IQSEC1: variants seen among roughly 807,000 people sequenced by gnomAD.
IQSEC1 encodes IQ motif and Sec7 domain ArfGEF 1.
Under a neutral mutation model 91.0 loss-of-function variants are expected in IQSEC1, and 31 were observed. The ratio of observed to expected loss-of-function variants is 0.34; its 90% confidence interval spans 0.26 to 0.46. The LOEUF is 0.46. IQSEC1 is among the 20% of genes least tolerant of loss of function. IQSEC1 has a pLI of 1.00. For synonymous variants in IQSEC1, 699 were observed against 662.6 expected, an observed-to-expected ratio of 1.05 and a Z score of -0.84; for missense variants, 1,388 against 1,575.6, an observed-to-expected ratio of 0.88 and a Z score of 2.02.
chr3:12,941,759 A>G lies in IQSEC1; in HGVS notation c.130T>C (p.Tyr44His), dbSNP rs866633619. 1.9e-6 allele frequency: 3 copies of G among 1,612,174 alleles called. No individual in the cohort carries two copies. Among genetic ancestry groups the G allele is most frequent in the South Asian group, 2.2e-5 (2 of 91,030 alleles). ...VPGSSLSPDH[Y>H]EHTSVGAYGL... ...TAGGCTCCCACTGACGTGTGCTCGT[A>G]GTGATCCGGGCTCAGGCTGGAACCG... Residue 44 changes from tyrosine (Y) to histidine (H), a missense_variant, in exon 2 of 14, where the codon TAC becomes CAC. By Grantham distance (83) the Tyr-to-His change is moderately conservative. Around this residue, in one of 2 missense-constraint regions of IQSEC1, gnomAD observed 1,059 missense variants for 1,317.8 expected, o/e 0.80. Transcript: ENST00000613206.
At chr3:13,215,439 C>T (rs929656861) in intron 1 of IQSEC1, among the ~76,000 whole-genome samples, 1 of 152,072 alleles carries the variant, frequency 6.6e-6, no homozygotes, top group Non-Finnish European at 1.5e-5. Context: ...CAGCCTCAGG[C>T]TCCCTCAGAA....
At chr3:13,143,987 G>A (rs1327811495) in intron 2 of IQSEC1, among the ~76,000 whole-genome samples, 1 of 152,206 alleles carries the variant, frequency 6.6e-6, no homozygotes, top group African/African-American at 2.4e-5. Context: ...GAGCCCTGCA[G>A]CTGCAACAAT....
At chr3:12,914,675 A>G (rs1695899990) in intron 8 of IQSEC1, among the ~76,000 whole-genome samples, 1 of 152,034 alleles carries the variant, frequency 6.6e-6, no homozygotes. Flanking sequence ...CCCTGTGTGC[A>G]TGTGTCCTGG....
intron 2 of IQSEC1, among the ~76,000 whole-genome samples, chr3:13,121,982 A>G (rs1706433033): frequency 6.6e-6 from 1 of 152,246 alleles, no homozygotes; most frequent in Non-Finnish European, 1.5e-5. Flanking sequence ...GAAATAGTTC[A>G]GGTCGGCCAG....
intron 1 of IQSEC1, among the ~76,000 whole-genome samples, chr3:12,988,412 C>T (rs1701840913): frequency 6.6e-6 from 1 of 151,488 alleles, no homozygotes; most frequent in Non-Finnish European, 1.5e-5. Context: ...GAGGCTCTAT[C>T]TCAAAAAAAT....
chr3:13,051,269 C>T (rs1197470288), intron 1 of IQSEC1, among the ~76,000 whole-genome samples: 2 of 152,234 alleles, frequency 1.3e-5, no homozygotes, highest in African/African-American at 4.8e-5. Context: ...CCTCTGTCCC[C>T]AGTCCCACTT....
At chr3:13,101,390 G>T (rs1032227704) in intron 2 of IQSEC1, among the ~76,000 whole-genome samples, 2 of 146,344 alleles carry the variant, frequency 1.4e-5, no homozygotes, top group Non-Finnish European at 3.0e-5. Flanking sequence ...CTGCACTCCA[G>T]CCTGGGAGAC....
At chr3:12,952,147 T>C (rs1699592933) in intron 1 of IQSEC1, among the ~76,000 whole-genome samples, 1 of 152,102 alleles carries the variant, frequency 6.6e-6, no homozygotes, top group African/African-American at 2.4e-5. Context: ...GTTTACCCAG[T>C]TCCCAGGTTT....
chr3:12,986,958 A>T (rs778196581), intron 1 of IQSEC1: 1 of 402,330 alleles, frequency 2.5e-6, no homozygotes, highest in African/African-American at 2.1e-5. Flanking sequence ...GGCCCATCCC[A>T]CCCTTCCCTT....
At chr3:13,016,399 C>G (rs1703134647) in intron 1 of IQSEC1, among the ~76,000 whole-genome samples, 1 of 152,236 alleles carries the variant, frequency 6.6e-6, no homozygotes, top group Admixed American at 6.5e-5. Flanking sequence ...CCCCAACGCC[C>G]CACCACTCCC....
At chr3:13,039,752 C>G (rs1559735820) in intron 1 of IQSEC1, among the ~76,000 whole-genome samples, 1 of 152,210 alleles carries the variant, frequency 6.6e-6, no homozygotes, top group Non-Finnish European at 1.5e-5. Context: ...TTCTTGCCCA[C>G]CTGGCTGATG....
At chr3:13,104,710 C>T (rs764299936) in intron 2 of IQSEC1, among the ~76,000 whole-genome samples, 5 of 152,230 alleles carry the variant, frequency 3.3e-5, no homozygotes. Flanking sequence ...CCCATCATGG[C>T]CCCTTCCTCT....
chr3:13,199,601 G>A (rs541716871), intron 1 of IQSEC1, among the ~76,000 whole-genome samples: 2 of 152,182 alleles, frequency 1.3e-5, no homozygotes, highest in South Asian at 2.1e-4. Context: ...GGCCAGCCCC[G>A]CGACCCTCCT....
chr3:13,082,077 C>A (rs1407769477), intron 2 of IQSEC1, among the ~76,000 whole-genome samples: 2 of 152,098 alleles, frequency 1.3e-5, no homozygotes, highest in South Asian at 4.2e-4. Context: ...GAAGCAGTGG[C>A]CCCCGAGTCG....
chr3:12,986,468 A>G (rs1701740726), intron 1 of IQSEC1, among the ~76,000 whole-genome samples: 1 of 152,190 alleles, frequency 6.6e-6, no homozygotes, highest in South Asian at 2.1e-4. Flanking sequence ...TTCCTCATCT[A>G]TGAAACAGGT....
chr3:13,262,027 G>A (rs1695398272), intron 1 of IQSEC1, among the ~76,000 whole-genome samples: 1 of 152,220 alleles, frequency 6.6e-6, no homozygotes, highest in African/African-American at 2.4e-5. Flanking sequence ...ACTCACTGCT[G>A]TAAACTCAGG....
At chr3:13,122,858 T>C (rs1343136269) in intron 2 of IQSEC1, among the ~76,000 whole-genome samples, 1 of 152,164 alleles carries the variant, frequency 6.6e-6, no homozygotes, top group Non-Finnish European at 1.5e-5. Flanking sequence ...AGCGTCCCTG[T>C]ACCCTGCCAC....
At chr3:13,109,547 G>A (rs11926984) in intron 2 of IQSEC1, among the ~76,000 whole-genome samples, 16,737 of 152,152 alleles carry the variant, frequency 0.11, 1,017 homozygotes, top group Non-Finnish European at 0.12. Flanking sequence ...CTGCTGGGTG[G>A]TGTTTGGGTC....
rs1006269496 is a variant in IQSEC1, at chr3:12,908,059, A to G, written c.2755+290T>C. The stretch of plus-strand genomic sequence containing the variant: ...GGCTAGAGCGACTTCCCAGATCAAT[A>G]AACAAGTAAATAAAACCCCTGGAAG... On this transcript the variant is annotated intron_variant, in intron 12 of 13. Transcript: ENST00000613206. This position sits in a 1 kb window ranked among gnomAD's most constrained non-coding sequence, Gnocchi z 4.9. Among the ~76,000 whole-genome samples the G allele has an allele frequency of 2.0e-5, 3 of 152,212 alleles. No homozygotes were observed. Among genetic ancestry groups the G allele is most frequent in the African/African-American group, 7.2e-5 (3 of 41,454 alleles).
Sources: allele counts gnomAD v4.1 joint callset (sites outside exome capture counted in the v4.1 genomes callset), GRCh38; gene constraint gnomAD v4.1.1; regional missense constraint gnomAD v4.1.1; non-coding constraint Gnocchi (gnomAD v3.1); transcripts MANE v1.5; gene names NCBI Gene and HGNC (gene_info 2026-07-23, HGNC 2026-07-21).